Variants in PXDNL observed in about 807,000 individuals in gnomAD.
PXDNL encodes peroxidasin like, also known as probable oxidoreductase PXDNL.
A neutral mutation model predicts 150.8 loss-of-function variants in PXDNL; 145 were observed. That is an observed-to-expected ratio of 0.96 (90% CI 0.84 to 1.10). The LOEUF (loss-of-function observed/expected upper bound fraction) is 1.10. Ranked by LOEUF, PXDNL falls within the 50% of genes least tolerant of loss-of-function variation. PXDNL has a pLI of 0.00. For synonymous variants in PXDNL, 757 were observed against 725.7 expected (o/e 1.04, Z -0.69); for missense variants, 2,087 against 1,873.9 (o/e 1.11, Z -2.10).
In PXDNL at chr8:51,472,179, G is replaced by C. The variant is rs1554543929; in HGVS notation, c.812+8C>G. On this transcript the variant is annotated splice_region_variant and intron_variant, in intron 8 of 22. Coordinates refer to ENST00000356297, the MANE Select transcript of PXDNL (RefSeq NM_144651.5). ...GAATCACAACCCATGTCCATGCTCA[G>C]TATTTACTTGTTGTGTATCCAAATA... 1.3e-6 allele frequency: 2 copies of C among 1,569,264 alleles called. No individual in the cohort carries two copies. Among genetic ancestry groups the C allele is most frequent in the Non-Finnish European group, 1.8e-6 (2 of 1,139,594 alleles).
intron 5 of PXDNL, among the ~76,000 whole-genome samples, chr8:51,489,303 T>A (rs1438001493): frequency 6.6e-6 from 1 of 152,096 alleles, no homozygotes; most frequent in Non-Finnish European, 1.5e-5. Flanking sequence ...ATTTATAAGA[T>A]CTTATTTTTA....
intron 1 of PXDNL, among the ~76,000 whole-genome samples, chr8:51,807,039 A>T (rs1563326908): frequency 1.3e-5 from 2 of 152,232 alleles, no homozygotes; most frequent in Non-Finnish European, 2.9e-5. Flanking sequence ...GCAATTTTCT[A>T]GGTACTTAAA....
chr8:51,612,433 G>A (rs1047767580), intron 2 of PXDNL, among the ~76,000 whole-genome samples: 1 of 152,164 alleles, frequency 6.6e-6, no homozygotes, highest in African/African-American at 2.4e-5. Flanking sequence ...AACTCTCTCT[G>A]CATCTCTGGT....
At position 51,409,151 on chromosome 8, in the gene PXDNL, G is replaced by A; in HGVS notation, c.2473C>T (p.Arg825Cys). 1.2e-6 allele frequency: 2 copies of A among 1,603,158 alleles called. No homozygotes were observed. The highest frequency in any genetic ancestry group is 1.7e-6 in the Non-Finnish European group (2 of 1,178,174). ...CTGCACGGCCGCCCATCCGAGAAGC[G>A]GGCTGTGCTCAGCGCAGGCACTGTG... ...DHTVPALSTARFSDGRPCSSV... is the reference protein window; with the variant it reads ...DHTVPALSTACFSDGRPCSSV... Residue 825 changes from arginine to cysteine, a missense_variant, in exon 17 of 23, where the codon CGC becomes TGC. Physicochemically the swap from Arg to Cys is radical, Grantham distance 180. Transcript: ENST00000356297.
intron 1 of PXDNL, among the ~76,000 whole-genome samples, chr8:51,743,589 C>T (rs560481994): frequency 6.6e-6 from 1 of 152,156 alleles, no homozygotes; most frequent in African/African-American, 2.4e-5. Flanking sequence ...GCCATGTTGG[C>T]CAGGCTGGTC....
At chr8:51,793,165 G>A (rs1410259674) in intron 1 of PXDNL, among the ~76,000 whole-genome samples, 2 of 152,194 alleles carry the variant, frequency 1.3e-5, no homozygotes, top group Non-Finnish European at 2.9e-5. Flanking sequence ...AACCTCCACT[G>A]ATGACACTTG....
At chr8:51,565,067 A>G (rs1812789005) in intron 3 of PXDNL, among the ~76,000 whole-genome samples, 1 of 151,778 alleles carries the variant, frequency 6.6e-6, no homozygotes, top group African/African-American at 2.4e-5. Context: ...TGGGAAAGCA[A>G]TACAGGTTAA....
chr8:51,405,001 C>G lies in PXDNL; in HGVS notation c.3557+3066G>C, dbSNP rs892691571. The stretch of plus-strand genomic sequence containing the variant: ...AGGCAGCTGAGGCCCTGGGAGAATT[C>G]GAGCTCAGCACCGGGACCCAGCGCA... On this transcript the variant is annotated intron_variant, in intron 17 of 22. Transcript: ENST00000356297. Among the ~76,000 whole-genome samples the G allele has an allele frequency of 2.6e-5, 4 of 152,190 alleles. No individual in the cohort carries two copies. In the South Asian group the frequency reaches 8.3e-4, roughly 31 times the overall value.
At chr8:51,385,865 A>G (rs1024256411) in intron 17 of PXDNL, among the ~76,000 whole-genome samples, 2 of 152,162 alleles carry the variant, frequency 1.3e-5, no homozygotes, top group African/African-American at 2.4e-5. Context: ...ACCAGGTAAG[A>G]CATGCCTTTC....
chr8:51,763,919 T>C (rs2037196169), intron 1 of PXDNL, among the ~76,000 whole-genome samples: 1 of 152,348 alleles, frequency 6.6e-6, no homozygotes. Flanking sequence ...GGTAGAATTC[T>C]TCAGCGAAGT....
intron 17 of PXDNL, among the ~76,000 whole-genome samples, chr8:51,381,839 G>A (rs548060816): frequency 1.8e-4 from 27 of 150,682 alleles, no homozygotes; most frequent in Admixed American, 7.9e-4. Flanking sequence ...TTTGACCAGA[G>A]GCCCAAAAGA....
At chr8:51,376,493 G>C (rs1807312948) in intron 17 of PXDNL, among the ~76,000 whole-genome samples, 1 of 152,090 alleles carries the variant, frequency 6.6e-6, no homozygotes, top group South Asian at 2.1e-4. Flanking sequence ...TTTTCTGAGA[G>C]ATTTTTCCTC....
rs116327073 is a variant in PXDNL, at chr8:51,419,073, C to T, written c.1795+4502G>A. Among the ~76,000 whole-genome samples the T allele has an allele frequency of 4.4e-3, 674 of 152,166 alleles. 7 individuals carry two copies. The highest frequency in any genetic ancestry group is 0.015 in the African/African-American group (642 of 41,504). ...GGAGACAAGGTCCTCGGGGAAAGAC[C>T]AGGGGTTCAGATTCGAATATGTTCA... On this transcript the variant is annotated intron_variant, in intron 14 of 22. Transcript: ENST00000356297.
chr8:51,697,027 G>A (rs560732714), intron 1 of PXDNL, among the ~76,000 whole-genome samples: 1 of 152,352 alleles, frequency 6.6e-6, no homozygotes, highest in East Asian at 1.9e-4. Flanking sequence ...AAATAGGCCA[G>A]GCACAGTGGC....
chr8:51,806,777 A>G lies in PXDNL; in HGVS notation c.164+2404T>C, dbSNP rs1317997374. ...TCTTGAAACTATGGCCCAAATCCCC[A>G]AAGGCCATCAATTAGCTAAGTAACT... On this transcript the variant is annotated intron_variant, in intron 1 of 22. Coordinates refer to ENST00000356297, the MANE Select transcript of PXDNL (RefSeq NM_144651.5). Among the ~76,000 whole-genome samples the G allele has an allele frequency of 1.3e-5, 2 of 152,162 alleles. 1 individual carries two copies. Among genetic ancestry groups the G allele is most frequent in the Middle Eastern group, 6.3e-3 (2 of 316 alleles).
At chr8:51,640,740 G>T (rs912981107) in intron 2 of PXDNL, among the ~76,000 whole-genome samples, 3 of 152,122 alleles carry the variant, frequency 2.0e-5, no homozygotes, top group Non-Finnish European at 2.9e-5. Context: ...CCATGCTCAT[G>T]GGTAGGAAGA....
intron 17 of PXDNL, among the ~76,000 whole-genome samples, chr8:51,382,145 C>T (rs1295166454): frequency 6.6e-6 from 1 of 152,004 alleles, no homozygotes; most frequent in Non-Finnish European, 1.5e-5. Flanking sequence ...CCATGGTGTC[C>T]TTATCTTTAA....
intron 3 of PXDNL, among the ~76,000 whole-genome samples, chr8:51,588,652 T>C (rs1813377929): frequency 6.6e-6 from 1 of 152,252 alleles, no homozygotes; most frequent in African/African-American, 2.4e-5. Flanking sequence ...GTGCTAGTAA[T>C]GAGATTCCTT....
chr8:51,554,202 C>G (rs973448960), intron 4 of PXDNL, among the ~76,000 whole-genome samples: 2 of 152,174 alleles, frequency 1.3e-5, no homozygotes, highest in African/African-American at 4.8e-5. Context: ...ACACCTAAGC[C>G]CACTTGAGTG....
Sources: allele counts gnomAD v4.1 joint callset (sites outside exome capture counted in the v4.1 genomes callset), GRCh38; gene constraint gnomAD v4.1.1; transcripts MANE v1.5; gene names NCBI Gene and HGNC (gene_info 2026-07-23, HGNC 2026-07-21).